The following PKHD1 variants were observed in gnomAD, a reference collection of about 807,000 sequenced individuals.
PKHD1 encodes fibrocystin.
A neutral mutation model predicts 412.0 loss-of-function variants in PKHD1; 291 were observed. The observed-to-expected ratio is 0.71, with a 90% CI of 0.64 to 0.78. The LOEUF (loss-of-function observed/expected upper bound fraction) is 0.78, where lower values mean the gene tolerates loss of function less well. Ranked by LOEUF, PKHD1 falls within the 30% of genes least tolerant of loss-of-function variation. The pLI is 0.00. For synonymous variants in PKHD1, 1,777 were observed against 1,821.5 expected, an observed-to-expected ratio of 0.98 and a Z score of 0.62; for missense variants, 4,825 against 4,950.7, an observed-to-expected ratio of 0.97 and a Z score of 0.76.
chr6:51,688,656 A>T (rs1777759748), intron 60 of PKHD1, among the ~76,000 whole-genome samples: 1 of 152,166 alleles, frequency 6.6e-6, no homozygotes, highest in Non-Finnish European at 1.5e-5. Context: ...GGGGGATATC[A>T]CCACGGACCC....
intron 60 of PKHD1, among the ~76,000 whole-genome samples, chr6:51,734,280 G>C (rs1783571778): frequency 6.6e-6 from 1 of 152,138 alleles, no homozygotes; most frequent in African/African-American, 2.4e-5. Context: ...ATTTGGCCAT[G>C]TACCACATTT....
chr6:52,062,623 A>C lies in PKHD1; in HGVS notation c.1014T>G (p.Val338=). Reference sequence around the variant, plus strand: ...TGGCTTCAGTCAGTTCCAGTCCCTCAACAGCATCTCCAACTTCAAAAAGAA... The same window carrying C: ...TGGCTTCAGTCAGTTCCAGTCCCTCCACAGCATCTCCAACTTCAAAAAGAA... ...RGLLFEVGDA[V]EGLELTEATP... is the part of the protein sequence containing the mutation. The change falls in exon 14 of 67, where the codon GTT becomes GTG. Residue 338 remains valine (V), a synonymous_variant. Coordinates refer to ENST00000371117, the MANE Select transcript of PKHD1 (RefSeq NM_138694.4). The C allele has an allele frequency of 6.2e-7, 1 of 1,614,160 alleles. No individual in the cohort carries two copies. The highest frequency in any genetic ancestry group is 8.5e-7 in the Non-Finnish European group (1 of 1,179,966).
At chr6:52,031,493 A>G (rs1233841001) in intron 29 of PKHD1, among the ~76,000 whole-genome samples, 1 of 152,214 alleles carries the variant, frequency 6.6e-6, no homozygotes, top group Admixed American at 6.5e-5. Flanking sequence ...ACAAGTTACT[A>G]TGATTCTTTG....
intron 50 of PKHD1, among the ~76,000 whole-genome samples, chr6:51,842,844 G>A (rs1361599635): frequency 6.6e-6 from 1 of 152,182 alleles, no homozygotes; most frequent in African/African-American, 2.4e-5. Context: ...GAGGGGGCTG[G>A]TGGAGGTGGA....
intron 65 of PKHD1, among the ~76,000 whole-genome samples, chr6:51,627,652 A>C (rs901950714): frequency 1.3e-5 from 2 of 152,066 alleles, no homozygotes; most frequent in Non-Finnish European, 2.9e-5. Context: ...AGAAATATAC[A>C]GGGAGGATTC....
intron 36 of PKHD1, among the ~76,000 whole-genome samples, chr6:51,945,699 T>A (rs918771515): frequency 6.6e-6 from 1 of 152,180 alleles, no homozygotes; most frequent in African/African-American, 2.4e-5. Flanking sequence ...AATCTGTAGA[T>A]ATATTGTCTA....
At chr6:51,810,898 G>A (rs1764590697) in intron 52 of PKHD1, among the ~76,000 whole-genome samples, 2 of 152,160 alleles carry the variant, frequency 1.3e-5, no homozygotes, top group Admixed American at 6.6e-5. Context: ...TTGTCTTACT[G>A]AATTATGTTA....
intron 60 of PKHD1, among the ~76,000 whole-genome samples, chr6:51,705,263 T>G (rs981612408): frequency 6.6e-6 from 1 of 151,810 alleles, no homozygotes; most frequent in East Asian, 1.9e-4. Flanking sequence ...GGGAGTGGAC[T>G]TGGTGTCAAA....
chr6:52,022,082 C>T (rs1801476521), intron 33 of PKHD1, among the ~76,000 whole-genome samples: 1 of 152,150 alleles, frequency 6.6e-6, no homozygotes, highest in Non-Finnish European at 1.5e-5. Flanking sequence ...GTAATTTCTT[C>T]CTTTTGACTT....
intron 37 of PKHD1, among the ~76,000 whole-genome samples, chr6:51,916,217 A>G (rs1489012919): frequency 6.6e-6 from 1 of 152,184 alleles, no homozygotes; most frequent in African/African-American, 2.4e-5. Context: ...ACCTATTTTA[A>G]GTATTGCCTT....
At chr6:51,807,894 T>C (rs1395107132) in intron 52 of PKHD1, among the ~76,000 whole-genome samples, 8 of 152,006 alleles carry the variant, frequency 5.3e-5, no homozygotes, top group African/African-American at 1.4e-4. Flanking sequence ...AGTAGATTAA[T>C]GGTTGCCTGT....
intron 36 of PKHD1, among the ~76,000 whole-genome samples, chr6:51,946,479 A>T (rs1411520597): frequency 2.0e-5 from 3 of 152,206 alleles, no homozygotes; most frequent in Non-Finnish European, 2.9e-5. Flanking sequence ...TCATCCTCAC[A>T]CTTTATTAGT....
intron 66 of PKHD1, among the ~76,000 whole-genome samples, chr6:51,625,076 C>T (rs1160660773): frequency 1.3e-5 from 2 of 152,158 alleles, no homozygotes; most frequent in Admixed American, 1.3e-4. Flanking sequence ...CCCATCACAA[C>T]TTTCTAGCAC....
At chr6:51,860,015 C>A (rs1773939138) in intron 48 of PKHD1, among the ~76,000 whole-genome samples, 1 of 152,220 alleles carries the variant, frequency 6.6e-6, no homozygotes, top group African/African-American at 2.4e-5. Flanking sequence ...ACTGCTCATT[C>A]TCTCAGAGCC....
intron 53 of PKHD1, among the ~76,000 whole-genome samples, chr6:51,777,508 T>A (rs889929843): frequency 1.3e-5 from 2 of 152,002 alleles, no homozygotes; most frequent in Admixed American, 6.6e-5. Context: ...ATGCATCATC[T>A]TAGTGAAAAT....
chr6:51,767,243 T>C (rs1789213916), intron 55 of PKHD1, among the ~76,000 whole-genome samples: 1 of 152,016 alleles, frequency 6.6e-6, no homozygotes, highest in South Asian at 2.1e-4. Flanking sequence ...AATGTTTGGC[T>C]ATTTTCTCTT....
At chr6:51,628,029 C>T (rs757331755) in intron 65 of PKHD1, among the ~76,000 whole-genome samples, 17 of 152,090 alleles carry the variant, frequency 1.1e-4, no homozygotes, top group Non-Finnish European at 1.8e-4. Context: ...CATAACATGG[C>T]ATGAAAAGGA....
At chr6:51,747,144 C>G (rs1283745051) in intron 58 of PKHD1, among the ~76,000 whole-genome samples, 1 of 152,192 alleles carries the variant, frequency 6.6e-6, no homozygotes, top group Middle Eastern at 3.4e-3. Context: ...TCATTTGAGG[C>G]TTAATCAAAA....
chr6:51,651,548 C>G (rs991477668), intron 61 of PKHD1, among the ~76,000 whole-genome samples: 1 of 152,118 alleles, frequency 6.6e-6, no homozygotes, highest in African/African-American at 2.4e-5. Flanking sequence ...GAAAAGGGCA[C>G]TGTCTTCTTC....
Sources: allele counts gnomAD v4.1 joint callset (sites outside exome capture counted in the v4.1 genomes callset), GRCh38; gene constraint gnomAD v4.1.1; transcripts MANE v1.5; gene names NCBI Gene and HGNC (gene_info 2026-07-23, HGNC 2026-07-21).